Variants in KSR2 observed in about 807,000 individuals in gnomAD.
KSR2 encodes the protein kinase suppressor of ras 2.
Under a neutral mutation model 107.8 loss-of-function variants are expected in KSR2, and 25 were observed. The ratio of observed to expected loss-of-function variants is 0.23; its 90% CI spans 0.17 to 0.32. The LOEUF (loss-of-function observed/expected upper bound fraction) is 0.32, where lower values mean the gene tolerates loss of function less well. Among genes scored for constraint, KSR2 ranks in the 10% least tolerant of loss-of-function variants. KSR2 has a pLI of 1.00. For synonymous variants in KSR2, 480 were observed against 507.0 expected (o/e 0.95, Z 0.71); for missense variants, 887 against 1,268.9 (o/e 0.70, Z 4.57).
At chr12:117,564,917 T>TA (rs1257028595) in intron 7 of KSR2, among the ~76,000 whole-genome samples, 1 of 152,234 alleles carries the variant, frequency 6.6e-6, no homozygotes, top group East Asian at 1.9e-4. Flanking sequence ...CCCTCTTTGT[T>TA]TGTGAAATGC....
intron 15 of KSR2, 107 bp from the exon 16 acceptor site, chr12:117,484,656 G>A: frequency 8.8e-7 from 1 of 1,131,866 alleles, no homozygotes; most frequent in Non-Finnish European, 1.3e-6. Context: ...TCCCTAATGG[G>A]ACCACACTCA....
At chr12:117,638,530 C>G (rs1161310149) in intron 5 of KSR2, among the ~76,000 whole-genome samples, 1 of 151,672 alleles carries the variant, frequency 6.6e-6, no homozygotes, top group Non-Finnish European at 1.5e-5. Flanking sequence ...AAAAAAAAAG[C>G]TGCAGAATAT....
intron 17 of KSR2, among the ~76,000 whole-genome samples, chr12:117,473,061 C>G (rs559876243): frequency 6.6e-6 from 1 of 152,184 alleles, no homozygotes; most frequent in Admixed American, 6.5e-5. Context: ...CCCCTATACA[C>G]CAGAGCCTGC....
chr12:117,908,976 T>G (rs978495833), intron 1 of KSR2, among the ~76,000 whole-genome samples: 5 of 152,142 alleles, frequency 3.3e-5, no homozygotes, highest in African/African-American at 9.7e-5. Flanking sequence ...TGCAGGTGAA[T>G]AAATTAAGAC....
At chr12:117,832,152 A>G (rs1891996683) in intron 3 of KSR2, among the ~76,000 whole-genome samples, 1 of 152,064 alleles carries the variant, frequency 6.6e-6, no homozygotes, top group African/African-American at 2.4e-5. Flanking sequence ...GGGTGTGGTG[A>G]CGTGCACTGT....
intron 3 of KSR2, among the ~76,000 whole-genome samples, chr12:117,812,899 C>T (rs1288436778): frequency 6.9e-6 from 1 of 144,668 alleles, no homozygotes; most frequent in Non-Finnish European, 1.5e-5. Flanking sequence ...GGCATCACAC[C>T]ACCAGCACCA....
rs151335547 is a variant in KSR2 at position 117,517,576 on chromosome 12, G to A, written c.2219+7276C>T. On this transcript the variant is annotated intron_variant, in intron 14 of 19. Transcript: ENST00000339824. ...TGCTCATAGGATGGATTACACAGGC[G>A]TATGCAATGTACATGAGATGATGCT... The A allele has an allele frequency of 2.6e-3, 780 of 304,468 alleles. 5 individuals are homozygous for A. Among genetic ancestry groups the A allele is most frequent in the African/African-American group, 0.015 (699 of 45,508 alleles). 18.9% of individuals were successfully genotyped at this position (304,468 alleles called of 1,614,324 possible). A position where few individuals can be genotyped will look rare whatever the true frequency, so the allele number is the denominator to read the frequency against.
At chr12:117,687,601 T>C (rs12317835) in intron 4 of KSR2, among the ~76,000 whole-genome samples, 1 of 152,100 alleles carries the variant, frequency 6.6e-6, no homozygotes, top group Non-Finnish European at 1.5e-5. Flanking sequence ...TCTGAGCCAA[T>C]AGCCTGTACT....
chr12:117,895,501 A>G (rs566364581), intron 1 of KSR2, among the ~76,000 whole-genome samples: 8 of 152,240 alleles, frequency 5.3e-5, no homozygotes, highest in African/African-American at 1.9e-4. Flanking sequence ...GGAATCTGGC[A>G]TTTTTTTAAA....
intron 16 of KSR2, among the ~76,000 whole-genome samples, chr12:117,478,625 A>C (rs1871956388): frequency 6.6e-6 from 1 of 151,472 alleles, no homozygotes; most frequent in African/African-American, 2.4e-5. Flanking sequence ...TTTTTTAGAG[A>C]TGTGGTCTTG....
chr12:117,948,911 T>C (rs888568116), intron 1 of KSR2, among the ~76,000 whole-genome samples: 1 of 152,044 alleles, frequency 6.6e-6, no homozygotes, highest in East Asian at 1.9e-4. Context: ...CTGGCCAACA[T>C]GGTGAAACCC....
intron 5 of KSR2, among the ~76,000 whole-genome samples, chr12:117,639,360 T>G (rs764809123): frequency 2.0e-5 from 3 of 151,376 alleles, no homozygotes; most frequent in Non-Finnish European, 4.4e-5. Context: ...GACAGAGTCT[T>G]GCTGTGTTGC....
intron 1 of KSR2, among the ~76,000 whole-genome samples, chr12:117,917,001 G>A (rs1824980025): frequency 6.6e-6 from 1 of 152,146 alleles, no homozygotes; most frequent in African/African-American, 2.4e-5. Context: ...GTTTAGGGCT[G>A]GATAATCCTT....
chr12:117,857,161 C>T (rs776782249), intron 2 of KSR2, among the ~76,000 whole-genome samples: 4 of 152,106 alleles, frequency 2.6e-5, no homozygotes, highest in Non-Finnish European at 5.9e-5. Flanking sequence ...TGGGTTCAAG[C>T]GACCCTCCCA....
intron 1 of KSR2, among the ~76,000 whole-genome samples, chr12:117,964,610 TATC>T (rs773521046): frequency 7.2e-5 from 11 of 152,306 alleles, no homozygotes; most frequent in African/African-American, 1.4e-4. Context: ...TGCCAATCAT[TATC>T]ATCATCACAG....
In KSR2 at chr12:117,467,214, G is replaced by T. The variant is rs772470897; in HGVS notation, c.2847-9C>A. ...TGTCCAAAGGTCACAGCCTGGAGTG[G>T]GGAGAGAAGGGAGAGAGTGGTGAGA... On this transcript the variant is annotated splice_polypyrimidine_tract_variant and intron_variant, in intron 19 of 19. Coordinates refer to ENST00000339824, the MANE Select transcript of KSR2 (RefSeq NM_173598.6). The T allele has an allele frequency of 1.4e-6, 1 of 732,558 alleles. No individual in the cohort carries two copies. The highest frequency in any genetic ancestry group is 2.7e-5 in the East Asian group (1 of 37,044). 45.4% of individuals were successfully genotyped at this position (732,558 alleles called of 1,614,324 possible).
chr12:117,776,102 T>A (rs1889675671), intron 3 of KSR2, among the ~76,000 whole-genome samples: 2 of 125,282 alleles, frequency 1.6e-5, no homozygotes, highest in East Asian at 2.0e-4. Flanking sequence ...AATTAATTAA[T>A]TAAATTTTTA....
intron 3 of KSR2, among the ~76,000 whole-genome samples, chr12:117,820,417 A>C (rs1891525218): frequency 6.6e-6 from 1 of 152,232 alleles, no homozygotes; most frequent in Non-Finnish European, 1.5e-5. Context: ...TGGGTCCCGG[A>C]AATTCAGCCC....
At chr12:117,844,932 G>A (rs1892641062) in intron 3 of KSR2, among the ~76,000 whole-genome samples, 2 of 152,150 alleles carry the variant, frequency 1.3e-5, no homozygotes, top group South Asian at 4.1e-4. Flanking sequence ...GGATCACGAG[G>A]TCAGGAGATC....
Sources: gnomAD v4.1 joint callset for allele counts (sites outside exome capture counted in the v4.1 genomes callset) on GRCh38, gnomAD v4.1.1 for gene constraint, MANE v1.5 for transcripts, NCBI Gene and HGNC (gene_info 2026-07-23, HGNC 2026-07-21) for gene names.